The following OR51B5 variants were observed in gnomAD, a reference collection of about 807,000 sequenced individuals.
The protein encoded by OR51B5 is olfactory receptor family 51 subfamily B member 5, also known as olfactory receptor 51B5.
For missense variants in OR51B5, 456 were observed against 374.6 expected (o/e 1.22, Z -1.79); for synonymous variants, 186 against 144.8 (o/e 1.28, Z -2.04).
intron 1 of OR51B5, among the ~76,000 whole-genome samples, chr11:5,429,996 G>C (rs111595268): frequency 1.1e-4 from 17 of 152,240 alleles, no homozygotes; most frequent in African/African-American, 4.1e-4. Flanking sequence ...TGAGACCACT[G>C]GACAGCAAGT....
At chr11:5,497,051 A>G (rs1332276758) in intron 1 of OR51B5, among the ~76,000 whole-genome samples, 1 of 149,216 alleles carries the variant, frequency 6.7e-6, no homozygotes, top group Admixed American at 6.7e-5. Flanking sequence ...TTAAAAAAAA[A>G]AAAAAAAAAA....
chr11:5,399,148 A>G (rs1331646987), intron 1 of OR51B5, among the ~76,000 whole-genome samples: 1 of 152,224 alleles, frequency 6.6e-6, no homozygotes, highest in Non-Finnish European at 1.5e-5. Flanking sequence ...TTCTTGAAAT[A>G]GTTTTGCCAT....
intron 1 of OR51B5, among the ~76,000 whole-genome samples, chr11:5,396,440 A>C (rs1158126689): frequency 2.6e-5 from 4 of 152,240 alleles, no homozygotes; most frequent in Non-Finnish European, 5.9e-5. Context: ...ACAAACAGTG[A>C]GTGAACTCCC....
At chr11:5,494,793 G>C (rs1273796017) in intron 1 of OR51B5, among the ~76,000 whole-genome samples, 1 of 152,144 alleles carries the variant, frequency 6.6e-6, no homozygotes, top group African/African-American at 2.4e-5. Context: ...TTGGCACAGA[G>C]CAGATGTTTA....
At chr11:5,361,194 T>G (rs983504286) in intron 1 of OR51B5, among the ~76,000 whole-genome samples, 5 of 152,178 alleles carry the variant, frequency 3.3e-5, no homozygotes, top group Admixed American at 2.0e-4. Flanking sequence ...CTCCCTACAT[T>G]TTCTTTTCTA....
At chr11:5,385,805 A>G (rs1438479717) in intron 1 of OR51B5, among the ~76,000 whole-genome samples, 1 of 142,496 alleles carries the variant, frequency 7.0e-6, no homozygotes, top group Non-Finnish European at 1.5e-5. Flanking sequence ...TATATATAAA[A>G]AATCTATAAA....
intron 1 of OR51B5, among the ~76,000 whole-genome samples, chr11:5,499,475 C>G (rs1240257371): frequency 1.3e-5 from 2 of 152,136 alleles, no homozygotes; most frequent in African/African-American, 4.8e-5. Context: ...GACAAATAAT[C>G]CAGTATTTTT....
At chr11:5,421,833 A>G (rs1850343503) in intron 1 of OR51B5, among the ~76,000 whole-genome samples, 2 of 152,226 alleles carry the variant, frequency 1.3e-5, no homozygotes, top group African/African-American at 2.4e-5. Flanking sequence ...CATTTATACA[A>G]TAGAGTTCAT....
chr11:5,363,233 C>CA (rs1564921897), intron 1 of OR51B5, among the ~76,000 whole-genome samples: 2 of 82,614 alleles, frequency 2.4e-5, no homozygotes, highest in African/African-American at 5.4e-5. Flanking sequence ...ACGAACCCAA[C>CA]CCCTCACACA....
intron 1 of OR51B5, chr11:5,469,379 G>C (rs1342516916): frequency 1.3e-5 from 2 of 152,568 alleles, no homozygotes; most frequent in African/African-American, 4.8e-5. Flanking sequence ...GCCTGTTAGA[G>C]TGAAGCTGGT....
At chr11:5,361,562 C>A (rs1452594821) in intron 1 of OR51B5, among the ~76,000 whole-genome samples, 1 of 152,080 alleles carries the variant, frequency 6.6e-6, no homozygotes, top group African/African-American at 2.4e-5. Flanking sequence ...GAGCAGTAGA[C>A]GGTTGGCTTA....
rs1161343514 is a variant in OR51B5, at chr11:5,417,657, A to G, written n.85-70747T>C. ...TCAAAAGAAGACATTTATGCAGCCAAAAAACACATGAAAAAATGTTCACCA... is the reference window on the plus strand; with the variant it reads ...TCAAAAGAAGACATTTATGCAGCCAGAAAACACATGAAAAAATGTTCACCA... On this transcript the variant is annotated intron_variant and non_coding_transcript_variant, in intron 1 of 4. Coordinates refer to the OR51B5 transcript ENST00000415970. Among the ~76,000 whole-genome samples, 3 of 151,888 alleles carry G rather than the reference A, an allele frequency of 2.0e-5. No homozygotes were observed. The East Asian group carries it at 5.8e-4, about 29-fold the overall frequency.
intron 1 of OR51B5, among the ~76,000 whole-genome samples, chr11:5,471,529 G>A (rs575450328): frequency 4.6e-5 from 7 of 151,940 alleles, no homozygotes; most frequent in South Asian, 2.1e-4. Flanking sequence ...CCAGTTACTC[G>A]GGAGTCTGAG....
chr11:5,356,310 T>G (rs994949620), intron 1 of OR51B5, among the ~76,000 whole-genome samples: 9 of 151,754 alleles, frequency 5.9e-5, no homozygotes, highest in Non-Finnish European at 8.8e-5. Flanking sequence ...AACCAAGGCA[T>G]GAGAACTACA....
At chr11:5,482,581 G>A (rs201776323) in intron 1 of OR51B5, among the ~76,000 whole-genome samples, 1 of 121,598 alleles carries the variant, frequency 8.2e-6, no homozygotes, top group Non-Finnish European at 1.7e-5. Flanking sequence ...CCTACAAAAT[G>A]GGAGAAAATT....
intron 1 of OR51B5, among the ~76,000 whole-genome samples, chr11:5,369,927 A>G (rs1193658021): frequency 1.3e-5 from 2 of 152,202 alleles, no homozygotes; most frequent in Non-Finnish European, 2.9e-5. Flanking sequence ...GAAAGGGAAG[A>G]CATTTTCTCA....
intron 1 of OR51B5, among the ~76,000 whole-genome samples, chr11:5,382,196 G>A (rs1849618272): frequency 6.6e-6 from 1 of 152,136 alleles, no homozygotes. Context: ...TCTCTTAAAT[G>A]TTATATTTGA....
chr11:5,416,800 A>T (rs2133755695), intron 1 of OR51B5, among the ~76,000 whole-genome samples: 1 of 151,276 alleles, frequency 6.6e-6, no homozygotes, highest in East Asian at 2.0e-4. Context: ...ATGGAAGAAC[A>T]TTCCATGCTC....
chr11:5,363,239 A>T (rs1001938699), intron 1 of OR51B5, among the ~76,000 whole-genome samples: 13 of 874 alleles, frequency 0.015, no homozygotes, highest in African/African-American at 0.087. Flanking sequence ...CCAACCCCTC[A>T]CACACACACA....
Sources: gnomAD v4.1 joint callset for allele counts (sites outside exome capture counted in the v4.1 genomes callset) on GRCh38, gnomAD v4.1.1 for gene constraint, MANE v1.5 for transcripts, NCBI Gene and HGNC (gene_info 2026-07-23, HGNC 2026-07-21) for gene names.